PLEKHH1: variants seen among roughly 807,000 people sequenced by gnomAD.
PLEKHH1 encodes pleckstrin homology, MyTH4 and FERM domain containing H1.
PLEKHH1 carries 104 observed loss-of-function variants against 160.0 expected under a neutral mutation model. That is an observed-to-expected ratio of 0.65 (90% confidence interval 0.55 to 0.76). The LOEUF (loss-of-function observed/expected upper bound fraction) is 0.76. PLEKHH1 is among the 30% of genes least tolerant of loss of function. The probability of loss-of-function intolerance (pLI) is 0.00; values close to 1 mark genes in which losing one functional copy is unlikely to be tolerated. For missense variants in PLEKHH1, 1,427 were observed against 1,724.1 expected, an observed-to-expected ratio of 0.83 and a Z score of 3.05; for synonymous variants, 619 against 678.4, an observed-to-expected ratio of 0.91 and a Z score of 1.36.
rs1034818708 is a variant in PLEKHH1, at chr14:67,533,335, G to A, written c.-98G>A. 20 of 151,540 alleles carry A rather than the reference G, an allele frequency of 1.3e-4. No individual in the cohort carries two copies. The highest frequency in any genetic ancestry group is 4.3e-4 in the African/African-American group (18 of 41,500). The allele number at this position is 151,540 out of a possible 1,614,324, so 9.4% of individuals were successfully genotyped here. A position where few individuals can be genotyped will look rare whatever the true frequency, so the allele number is the denominator to read the frequency against. Reference sequence around the variant, plus strand: ...GCGAGAGCGACGCAAGGTCGGCTGCGGCGGCGGCCCGAGGGCGCCCGTGTG... The same window carrying A: ...GCGAGAGCGACGCAAGGTCGGCTGCAGCGGCGGCCCGAGGGCGCCCGTGTG... On this transcript the variant is annotated 5_prime_UTR_variant, in exon 1 of 29. Coordinates refer to ENST00000329153, the MANE Select transcript of PLEKHH1 (RefSeq NM_020715.3).
In PLEKHH1 at chr14:67,559,700, G is replaced by T. The variant is rs758280474; in HGVS notation, c.423+9G>T. 2 of 1,585,594 alleles carry T rather than the reference G, an allele frequency of 1.3e-6. No individual in the cohort carries two copies. Among genetic ancestry groups the T allele is most frequent in the Non-Finnish European group, 1.7e-6 (2 of 1,160,572 alleles). On this transcript the variant is annotated intron_variant, in intron 5 of 28. Transcript: ENST00000329153. The stretch of plus-strand genomic sequence containing the variant: ...CACTCAAGTTGGCAAAGGTGGGTTG[G>T]AAACTCATCTTGGAGGCCTGCCAGA...
intron 1 of PLEKHH1, among the ~76,000 whole-genome samples, chr14:67,536,348 C>T (rs1380358922): frequency 6.6e-6 from 1 of 151,840 alleles, no homozygotes; most frequent in Non-Finnish European, 1.5e-5. Flanking sequence ...CTGTTTCTCT[C>T]CCACAATTGA....
At position 67,586,977 on chromosome 14, in the gene PLEKHH1, T is replaced by C. The variant is rs568640797; in HGVS notation, c.3934-97T>C. 1,554 of 1,536,108 alleles carry C rather than the reference T, an allele frequency of 1.0e-3. 1 individual carries two copies. The highest frequency in any genetic ancestry group is 1.3e-3 in the Non-Finnish European group (1,464 of 1,136,972). On this transcript the variant is annotated intron_variant, in intron 28 of 28. Transcript: ENST00000329153. The stretch of plus-strand genomic sequence containing the variant: ...GGGTATTTTAAGAGATTAAATAAAC[T>C]GAGGCCCAGGAACTCAGCATAAGAG...
At chr14:67,540,641 A>T (rs929026010) in intron 1 of PLEKHH1, among the ~76,000 whole-genome samples, 11 of 151,422 alleles carry the variant, frequency 7.3e-5, no homozygotes, top group East Asian at 1.9e-4. Context: ...AAAAAAAAAA[A>T]TTATCACCCT....
intron 24 of PLEKHH1, among the ~76,000 whole-genome samples, 162 bp from the exon 25 acceptor site, chr14:67,583,579 T>C (rs1343814416): frequency 1.3e-5 from 2 of 152,244 alleles, no homozygotes; most frequent in East Asian, 3.8e-4. Flanking sequence ...CTCTAGTGTC[T>C]ATAAAACTTG....
At chr14:67,568,904 G>A (rs556518487) in intron 7 of PLEKHH1, 1 of 506,740 alleles carries the variant, frequency 2.0e-6, no homozygotes. Context: ...AAATGCTTAT[G>A]TTAAGTATTT....
chr14:67,553,343 A>C (rs2034472094), intron 2 of PLEKHH1, among the ~76,000 whole-genome samples: 1 of 152,066 alleles, frequency 6.6e-6, no homozygotes, highest in South Asian at 2.1e-4. Context: ...AATGCTCCTC[A>C]TCATTGCATT....
chr14:67,588,612 CCT>C lies in PLEKHH1; in HGVS notation c.*1378_*1379del, dbSNP rs2036266616. 1 of 152,104 alleles carries C rather than the reference CCT, an allele frequency of 6.6e-6. No homozygotes were observed. 9.4% of individuals were successfully genotyped at this position (152,104 alleles called of 1,614,324 possible). ...TAGACAGGTTGTAGACACACCCTCC[CCT>C]AACAAAAACAAAACGAAAGAGTTCA... On this transcript the variant is annotated 3_prime_UTR_variant, in exon 29 of 29. Coordinates refer to ENST00000329153, the MANE Select transcript of PLEKHH1 (RefSeq NM_020715.3).
At chr14:67,563,707 G>C (rs375197194) in intron 7 of PLEKHH1, among the ~76,000 whole-genome samples, 1 of 143,060 alleles carries the variant, frequency 7.0e-6, no homozygotes, top group African/African-American at 2.6e-5. Flanking sequence ...TGCTGGGATT[G>C]TAAGTATGAG....
chr14:67,563,130 T>C (rs1474089758), intron 7 of PLEKHH1, among the ~76,000 whole-genome samples: 2 of 152,244 alleles, frequency 1.3e-5, no homozygotes, highest in Non-Finnish European at 2.9e-5. Flanking sequence ...CCGTGCACCA[T>C]ACATTGAGCT....
At position 67,573,776 on chromosome 14, in the gene PLEKHH1, C is replaced by T. The variant is rs768781514; in HGVS notation, c.1840-25C>T. The T allele has an allele frequency of 4.6e-5, 69 of 1,507,558 alleles. No individual in the cohort carries two copies. In the East Asian group the frequency reaches 1.0e-3, roughly 23 times the overall value. 93.4% of individuals were successfully genotyped at this position (1,507,558 alleles called of 1,614,324 possible). On this transcript the variant is annotated intron_variant, in intron 12 of 28. Transcript: ENST00000329153. The surrounding 1 kb of genome is among the most constrained non-coding windows in gnomAD (Gnocchi z 4.8). The stretch of plus-strand genomic sequence containing the variant: ...CGGAAAGGCTCCACATTCAGTGGCT[C>T]TCCTCTCCAATACTTTCTTTACAGA...
intron 15 of PLEKHH1, 87 bp downstream of exon 15, chr14:67,575,559 C>T (rs1010843466): frequency 1.2e-5 from 10 of 820,730 alleles, no homozygotes; most frequent in Non-Finnish European, 2.1e-5. Flanking sequence ...AAAGTCCCTA[C>T]CCCACGTAAC....
Position 67,562,469 on chromosome 14 carries a change from G to C in PLEKHH1, c.838G>C (p.Ala280Pro), listed in dbSNP as rs775349945. ...MKLLTFRCSS[A>P]SWGEGLVTAQ... ...GCTTCTTACCTTCAGATGTAGTTCAGCTTCCTGGGGTGAGGGTCTGGTTAC... is the reference window on the plus strand; with the variant it reads ...GCTTCTTACCTTCAGATGTAGTTCACCTTCCTGGGGTGAGGGTCTGGTTAC... The change falls in exon 7 of 29, where the codon GCT becomes CCT. Residue 280 changes from alanine to proline, a missense_variant. This residue lies in a region of PLEKHH1 where 831 missense variants were observed against 929.2 expected (regional missense o/e 0.89). Coordinates refer to ENST00000329153, the MANE Select transcript of PLEKHH1 (RefSeq NM_020715.3). 11 of 1,613,644 alleles carry C rather than the reference G, an allele frequency of 6.8e-6. No homozygotes were observed. The highest frequency in any genetic ancestry group is 2.7e-5 in the African/African-American group (2 of 74,924).
At position 67,573,437 on chromosome 14, in the gene PLEKHH1, C is replaced by A; in HGVS notation, c.1839+51C>A. 1 of 1,109,234 alleles carries A rather than the reference C, an allele frequency of 9.0e-7. No individual in the cohort carries two copies. Among genetic ancestry groups the A allele is most frequent in the Non-Finnish European group, 1.4e-6 (1 of 723,524 alleles). 68.7% of individuals were successfully genotyped at this position (1,109,234 alleles called of 1,614,324 possible). A position where few individuals can be genotyped will look rare whatever the true frequency, so the allele number is the denominator to read the frequency against. On this transcript the variant is annotated intron_variant, in intron 12 of 28. Coordinates refer to ENST00000329153, the MANE Select transcript of PLEKHH1 (RefSeq NM_020715.3). The surrounding 1 kb of genome is among the most constrained non-coding windows in gnomAD (Gnocchi z 4.8). ...CAGTCAAAAGGTCTCCACATCACAC[C>A]CTGGACTATGTCAGATGGGACGGAG...
intron 22 of PLEKHH1, among the ~76,000 whole-genome samples, chr14:67,580,591 T>C (rs975851507): frequency 3.3e-5 from 5 of 152,254 alleles, no homozygotes; most frequent in African/African-American, 1.2e-4. Context: ...GGTAGCCCTC[T>C]GGGCATATTT....
At chr14:67,586,689 TG>T in intron 28 of PLEKHH1, 1 of 605,102 alleles carries the variant, frequency 1.7e-6, no homozygotes, top group South Asian at 1.9e-5. Flanking sequence ...GAAACCCTGT[TG>T]TTCTCCTTTT....
chr14:67,560,937 G>A (rs2034810190), intron 5 of PLEKHH1, among the ~76,000 whole-genome samples: 1 of 152,034 alleles, frequency 6.6e-6, no homozygotes, highest in Non-Finnish European at 1.5e-5. Context: ...CGTTATGTTG[G>A]CCAGGCTAGT....
intron 25 of PLEKHH1, 54 bp from the exon 26 acceptor site, chr14:67,583,941 T>C (rs891050037): frequency 1.1e-5 from 17 of 1,611,938 alleles, no homozygotes; most frequent in Non-Finnish European, 1.3e-5. Context: ...AGGCCTGGAA[T>C]GAAGACACGT....
At chr14:67,559,766 C>T (rs1318528201) in intron 5 of PLEKHH1, 75 bp downstream of exon 5, 4 of 946,890 alleles carry the variant, frequency 4.2e-6, no homozygotes, top group East Asian at 5.2e-5. Flanking sequence ...GTTTCCTGCC[C>T]CCTACTGTCT....
Sources: allele counts gnomAD v4.1 joint callset (sites outside exome capture counted in the v4.1 genomes callset), GRCh38; gene constraint gnomAD v4.1.1; regional missense constraint gnomAD v4.1.1; non-coding constraint Gnocchi (gnomAD v3.1); transcripts MANE v1.5; gene names NCBI Gene and HGNC (gene_info 2026-07-23, HGNC 2026-07-21).